TNIK: variants seen among roughly 807,000 people sequenced by gnomAD.
TNIK encodes the protein TRAF2 and NCK-interacting protein kinase.
A neutral mutation model predicts 191.3 loss-of-function variants in TNIK; 49 were observed. The ratio of observed to expected loss-of-function variants is 0.26; its 90% CI spans 0.20 to 0.32. The LOEUF (loss-of-function observed/expected upper bound fraction) is 0.32. TNIK is among the 10% of genes least tolerant of loss of function. The pLI is 1.00. For synonymous variants in TNIK, 594 were observed against 600.9 expected (o/e 0.99, Z 0.17); for missense variants, 1,155 against 1,702.3 (o/e 0.68, Z 5.66).
chr3:171,305,785 C>T (rs570742954), intron 2 of TNIK, among the ~76,000 whole-genome samples: 2 of 152,234 alleles, frequency 1.3e-5, no homozygotes, highest in African/African-American at 4.8e-5. Context: ...ATTAGTTCAG[C>T]CATTGTGGAA....
chr3:171,091,867 T>C (rs1223266199), intron 23 of TNIK, among the ~76,000 whole-genome samples: 1 of 152,110 alleles, frequency 6.6e-6, no homozygotes, highest in Non-Finnish European at 1.5e-5. Flanking sequence ...GAATTGGAAA[T>C]TGAGAGGACA....
chr3:171,372,894 G>A (rs1457909924), intron 1 of TNIK, among the ~76,000 whole-genome samples: 1 of 152,120 alleles, frequency 6.6e-6, no homozygotes, highest in Non-Finnish European at 1.5e-5. Context: ...TATCCTGAGA[G>A]TAACAAAGCA....
intron 28 of TNIK, among the ~76,000 whole-genome samples, chr3:171,078,334 A>G: frequency 6.6e-6 from 1 of 151,912 alleles, no homozygotes; most frequent in East Asian, 1.9e-4. Context: ...TTATTTTCTT[A>G]TATTTTCTCT....
At chr3:171,151,238 C>G (rs1184408281) in intron 12 of TNIK, among the ~76,000 whole-genome samples, 1 of 152,166 alleles carries the variant, frequency 6.6e-6, no homozygotes, top group African/African-American at 2.4e-5. Context: ...CTACACGAAC[C>G]TAAAGCTGGC....
intron 6 of TNIK, 25 bp from the exon 7 acceptor site, chr3:171,188,857 A>G: frequency 6.2e-7 from 1 of 1,611,210 alleles, no homozygotes; most frequent in South Asian, 1.1e-5. Context: ...ACAAGTAAAT[A>G]AAGTCTGTGA....
At chr3:171,338,635 T>A (rs893210606) in intron 2 of TNIK, among the ~76,000 whole-genome samples, 6 of 151,600 alleles carry the variant, frequency 4.0e-5, no homozygotes, top group African/African-American at 1.5e-4. Flanking sequence ...ACTACAGGCA[T>A]GTACCACCAT....
chr3:171,233,452 C>T (rs937771233), intron 2 of TNIK, among the ~76,000 whole-genome samples: 1 of 152,194 alleles, frequency 6.6e-6, no homozygotes, highest in African/African-American at 2.4e-5. Context: ...GTCTGTCTAT[C>T]TATCTATCTA....
chr3:171,342,675 TATGAATAAATGA>T (rs1434167952), intron 2 of TNIK, among the ~76,000 whole-genome samples: 3 of 152,298 alleles, frequency 2.0e-5, no homozygotes, highest in South Asian at 2.1e-4. Context: ...TCTATATTGA[TATGAATAAATGA>T]ATGAATAAAT....
intron 18 of TNIK, among the ~76,000 whole-genome samples, chr3:171,116,844 T>A (rs1375728590): frequency 6.6e-6 from 1 of 152,260 alleles, no homozygotes; most frequent in African/African-American, 2.4e-5. Context: ...CAATCAAATT[T>A]TGATTTGAAC....
chr3:171,445,095 C>T lies in TNIK; in HGVS notation c.57+14912G>A, dbSNP rs114802354. On this transcript the variant is annotated intron_variant, in intron 1 of 32. Transcript: ENST00000436636. Reference sequence around the variant, plus strand: ...CTGAATTACTAGGAGGGCTTCTTAACGCAAAAGTTGCTGGTCCCCATCCTA... The same window carrying T: ...CTGAATTACTAGGAGGGCTTCTTAATGCAAAAGTTGCTGGTCCCCATCCTA... Among the ~76,000 whole-genome samples the T allele has an allele frequency of 9.2e-3, 1,405 of 152,088 alleles. 18 individuals are homozygous for T. The highest frequency in any genetic ancestry group is 0.032 in the African/African-American group (1,309 of 41,510).
chr3:171,441,158 C>T (rs377453845), intron 1 of TNIK, among the ~76,000 whole-genome samples: 7 of 152,184 alleles, frequency 4.6e-5, no homozygotes, highest in African/African-American at 1.7e-4. Context: ...GTGTGTGGAG[C>T]TGGTCAACTA....
intron 22 of TNIK, among the ~76,000 whole-genome samples, chr3:171,100,656 GAACTGGGGAAGC>G (rs1723352655): frequency 6.7e-6 from 1 of 149,054 alleles, no homozygotes; most frequent in Admixed American, 6.7e-5. Flanking sequence ...CTAGGTGGAG[GAACTGGGGAAGC>G]AACAGGGGAT....
chr3:171,260,443 T>TC (rs1348527892), intron 2 of TNIK, among the ~76,000 whole-genome samples: 1 of 152,040 alleles, frequency 6.6e-6, no homozygotes, highest in Non-Finnish European at 1.5e-5. Flanking sequence ...TCCCTTCCCA[T>TC]CCCCACCTCC....
rs1391026565 is a variant in TNIK at position 171,416,880 on chromosome 3, G to GCC, written c.57+43125_57+43126dup. Among the ~76,000 whole-genome samples the GCC allele has an allele frequency of 7.2e-5, 11 of 152,126 alleles. No individual in the cohort carries two copies. The East Asian group carries it at 2.1e-3, about 29-fold the overall frequency. Reference sequence around the variant, plus strand: ...AAAGTTCTTATTAAATGCTGCTTCAGCCACTAAATTGTAAATTCCCTGGCA... The same window carrying GCC: ...AAAGTTCTTATTAAATGCTGCTTCAGCCCCACTAAATTGTAAATTCCCTGGCA... On this transcript the variant is annotated intron_variant, in intron 1 of 32. Coordinates refer to ENST00000436636, the MANE Select transcript of TNIK (RefSeq NM_015028.4).
At chr3:171,239,595 G>A (rs181859218) in intron 2 of TNIK, among the ~76,000 whole-genome samples, 73 of 152,284 alleles carry the variant, frequency 4.8e-4, no homozygotes, top group African/African-American at 1.7e-3. Flanking sequence ...CCAGATCTCC[G>A]CAAAGGCTGA....
chr3:171,177,995 TA>T (rs1168490719), intron 7 of TNIK, among the ~76,000 whole-genome samples: 4 of 152,238 alleles, frequency 2.6e-5, no homozygotes, highest in Non-Finnish European at 5.9e-5. Flanking sequence ...TCACGTAGAA[TA>T]GTGTTTCTGA....
At chr3:171,233,595 A>G (rs1743930789) in intron 2 of TNIK, among the ~76,000 whole-genome samples, 1 of 152,212 alleles carries the variant, frequency 6.6e-6, no homozygotes, top group East Asian at 1.9e-4. Context: ...ACCCAAGGTC[A>G]TGCTCCTTCC....
At chr3:171,137,800 C>A (rs909122204) in intron 15 of TNIK, among the ~76,000 whole-genome samples, 1 of 152,128 alleles carries the variant, frequency 6.6e-6, no homozygotes, top group African/African-American at 2.4e-5. Context: ...CAGGCATGGA[C>A]AGGAACTGAT....
chr3:171,065,228 G>A (rs1484510374), intron 32 of TNIK, among the ~76,000 whole-genome samples: 7 of 152,158 alleles, frequency 4.6e-5, no homozygotes, highest in African/African-American at 7.2e-5. Context: ...GGTTATGTTT[G>A]TTTTCTGGGA....
Sources: gnomAD v4.1 joint callset for allele counts (sites outside exome capture counted in the v4.1 genomes callset) on GRCh38, gnomAD v4.1.1 for gene constraint, MANE v1.5 for transcripts, NCBI Gene and HGNC (gene_info 2026-07-23, HGNC 2026-07-21) for gene names.